Variants in TUBGCP3 observed in about 807,000 individuals in gnomAD.
TUBGCP3 encodes gamma-tubulin complex component 3.
In TUBGCP3, 50 loss-of-function variants were observed where a neutral mutation model predicts 123.1. That is an observed-to-expected ratio of 0.41 (90% confidence interval 0.32 to 0.51). The LOEUF (loss-of-function observed/expected upper bound fraction) is 0.51, where lower values mean the gene tolerates loss of function less well. Among genes scored for constraint, TUBGCP3 ranks in the 20% least tolerant of loss-of-function variants. TUBGCP3 has a pLI of 0.36. For missense variants in TUBGCP3, 882 were observed against 1,127.0 expected, an observed-to-expected ratio of 0.78 and a Z score of 3.11; for synonymous variants, 405 against 413.9, an observed-to-expected ratio of 0.98 and a Z score of 0.26.
intron 10 of TUBGCP3, chr13:112,547,404 G>C: frequency 1.4e-6 from 1 of 734,644 alleles, no homozygotes. Flanking sequence ...GATTCCTATC[G>C]AATCAACACG....
In TUBGCP3 at chr13:112,489,623, T is replaced by A; in HGVS notation, c.2523A>T (p.Pro841=). 30 of 1,614,254 alleles carry A rather than the reference T, an allele frequency of 1.9e-5. No homozygotes were observed. The highest frequency in any genetic ancestry group is 2.4e-5 in the Non-Finnish European group (28 of 1,180,044). ...KRIGEFKESI[P]KMCSQLRILT... Reference sequence around the variant, plus strand: ...ATATTCGCAACTGTGAGCACATTTTTGGTATAGATTCTTTAAATTCTCCAA... The same window carrying A: ...ATATTCGCAACTGTGAGCACATTTTAGGTATAGATTCTTTAAATTCTCCAA... The change falls in exon 21 of 22, where the codon CCA becomes CCT. Residue 841 remains proline, a synonymous_variant. Transcript: ENST00000261965.
chr13:112,503,123 G>A (rs1234107960), intron 19 of TUBGCP3, among the ~76,000 whole-genome samples: 1 of 152,180 alleles, frequency 6.6e-6, no homozygotes, highest in Non-Finnish European at 1.5e-5. Context: ...GCCCCTGCCA[G>A]TCGGAAACAT....
intron 20 of TUBGCP3, 75 bp downstream of exon 20, chr13:112,498,970 T>C (rs777010700): frequency 9.9e-6 from 16 of 1,614,226 alleles, no homozygotes; most frequent in African/African-American, 1.3e-5. Flanking sequence ...AGTTATTTGT[T>C]GGCATTTGAG....
chr13:112,508,312 T>C lies in TUBGCP3; in HGVS notation c.2087-3598A>G, dbSNP rs1881438767. Reference sequence around the variant, plus strand: ...CTCCCCCTCCTTCTCCATATCGGCATCTCAAACAGCCTTCCAACAAACAAA... The same window carrying C: ...CTCCCCCTCCTTCTCCATATCGGCACCTCAAACAGCCTTCCAACAAACAAA... On this transcript the variant is annotated intron_variant, in intron 17 of 21. Transcript: ENST00000261965. This position sits in a 1 kb window ranked among gnomAD's most constrained non-coding sequence, Gnocchi z 4.2. 6.6e-6 allele frequency among the ~76,000 whole-genome samples: 1 copy of C among 152,202 alleles called. No homozygotes were observed. Among genetic ancestry groups the C allele is most frequent in the Non-Finnish European group, 1.5e-5 (1 of 68,044 alleles).
chr13:112,515,400 G>A (rs895239137), intron 17 of TUBGCP3, among the ~76,000 whole-genome samples: 1 of 152,172 alleles, frequency 6.6e-6, no homozygotes, highest in African/African-American at 2.4e-5. Flanking sequence ...AAGAACACAG[G>A]GGGAAGGAGA....
At chr13:112,493,930 C>T (rs1880339351) in intron 20 of TUBGCP3, among the ~76,000 whole-genome samples, 1 of 150,732 alleles carries the variant, frequency 6.6e-6, no homozygotes, top group Non-Finnish European at 1.5e-5. Context: ...GCTATGGGAA[C>T]ATGGCCTGGT....
chr13:112,558,298 T>C lies in TUBGCP3; in HGVS notation c.446A>G (p.Gln149Arg), dbSNP rs1295583600. Residue 149 changes from glutamine (Q) to arginine (R), a missense_variant, in exon 5 of 22, where the codon CAG becomes CGG. Transcript: ENST00000261965. ...LPLSYQDRSAQSAQSSGSVGS... is the reference protein window; with the variant it reads ...LPLSYQDRSARSAQSSGSVGS... ...CACGCTGCCGGAGCTCTGGGCTGACTGGGCACTCCGATCTTGGTAGCTCAG... is the reference window on the plus strand; with the variant it reads ...CACGCTGCCGGAGCTCTGGGCTGACCGGGCACTCCGATCTTGGTAGCTCAG... The C allele has an allele frequency of 4.3e-6, 7 of 1,613,592 alleles. No individual in the cohort carries two copies. Among genetic ancestry groups the C allele is most frequent in the Admixed American group, 1.7e-5 (1 of 60,012 alleles).
intron 11 of TUBGCP3, among the ~76,000 whole-genome samples, chr13:112,540,829 A>T (rs182894758): frequency 2.0e-5 from 3 of 152,378 alleles, no homozygotes; most frequent in Admixed American, 2.0e-4. Context: ...TAAAAGTGAA[A>T]ATCTTTGCCA....
chr13:112,542,889 T>G (rs980424348), intron 11 of TUBGCP3, among the ~76,000 whole-genome samples: 12 of 152,188 alleles, frequency 7.9e-5, no homozygotes, highest in Middle Eastern at 3.4e-3. Flanking sequence ...GGCTCACGCC[T>G]GTAATCCCAG....
chr13:112,600,782 C>T, the TUBGCP3 span, among the ~76,000 whole-genome samples: 1 of 152,100 alleles, frequency 6.6e-6, no homozygotes, highest in African/African-American at 2.4e-5. Context: ...ATCATTTTCG[C>T]CTATATTCTC....
chr13:112,565,220 C>G, intron 2 of TUBGCP3, 42 bp from the exon 3 acceptor site: 2 of 1,541,090 alleles, frequency 1.3e-6, no homozygotes, highest in African/African-American at 1.4e-5. Context: ...ACTACAAACA[C>G]CAAAATTCAT....
chr13:112,540,532 T>C (rs1878431342), intron 11 of TUBGCP3, among the ~76,000 whole-genome samples: 1 of 147,228 alleles, frequency 6.8e-6, no homozygotes, highest in Admixed American at 6.7e-5. Context: ...TGTAGTAGCC[T>C]ATGAGCATTC....
At chr13:112,513,652 A>G (rs1177184773) in intron 17 of TUBGCP3, among the ~76,000 whole-genome samples, 1 of 152,156 alleles carries the variant, frequency 6.6e-6, no homozygotes, top group Non-Finnish European at 1.5e-5. Context: ...GACATTTCTA[A>G]CGCGCTGGAT....
intron 1 of TUBGCP3, among the ~76,000 whole-genome samples, chr13:112,574,828 T>G (rs993752453): frequency 2.0e-5 from 3 of 152,240 alleles, no homozygotes; most frequent in Non-Finnish European, 4.4e-5. Context: ...TTTATCTGTT[T>G]GCTGTTTACT....
At chr13:112,595,736 A>AT in the TUBGCP3 span, among the ~76,000 whole-genome samples, 4 of 124,776 alleles carry the variant, frequency 3.2e-5, no homozygotes, top group African/African-American at 1.1e-4. Flanking sequence ...TAGTTGGGCC[A>AT]TTTTTTTTAA....
intron 3 of TUBGCP3, among the ~76,000 whole-genome samples, chr13:112,560,199 G>C (rs1158704774): frequency 6.6e-6 from 1 of 151,422 alleles, no homozygotes; most frequent in South Asian, 2.1e-4. Flanking sequence ...GGGAGGCCGA[G>C]GCGGGCGGAT....
intron 20 of TUBGCP3, among the ~76,000 whole-genome samples, chr13:112,496,752 C>T (rs1020589229): frequency 3.9e-5 from 6 of 151,966 alleles, no homozygotes; most frequent in Non-Finnish European, 5.9e-5. Flanking sequence ...TTTGGGAGGC[C>T]GAGGCGGGCG....
Position 112,519,840 on chromosome 13 carries a change from G to A in TUBGCP3, c.1881+46C>T, listed in dbSNP as rs1246506179. The A allele has an allele frequency of 6.3e-7, 1 of 1,596,452 alleles. No individual in the cohort carries two copies. Among genetic ancestry groups the A allele is most frequent in the East Asian group, 2.3e-5 (1 of 44,342 alleles). On this transcript the variant is annotated intron_variant, in intron 15 of 21. Transcript: ENST00000261965. This position sits in a 1 kb window ranked among gnomAD's most constrained non-coding sequence, Gnocchi z 6.2. ...TCGCTAGAACACCCCGGCCCAGTGGGTCCTCGGTGCCGGGGCGGCGTTCCC... is the reference window on the plus strand; with the variant it reads ...TCGCTAGAACACCCCGGCCCAGTGGATCCTCGGTGCCGGGGCGGCGTTCCC...
chr13:112,577,186 G>A (rs1881890287), intron 1 of TUBGCP3, among the ~76,000 whole-genome samples: 1 of 152,078 alleles, frequency 6.6e-6, no homozygotes, highest in African/African-American at 2.4e-5. Context: ...ATAAGTGTGG[G>A]CTGGGCACAC....
Sources: allele counts gnomAD v4.1 joint callset (sites outside exome capture counted in the v4.1 genomes callset), GRCh38; gene constraint gnomAD v4.1.1; non-coding constraint Gnocchi (gnomAD v3.1); transcripts MANE v1.5; gene names NCBI Gene and HGNC (gene_info 2026-07-23, HGNC 2026-07-21).